The following LRRC61 variants were observed in gnomAD, a reference collection of about 807,000 sequenced individuals.
LRRC61 encodes leucine-rich repeat-containing protein 61.
In LRRC61, 9 loss-of-function variants were observed where a neutral mutation model predicts 15.1. The ratio of observed to expected loss-of-function variants is 0.60; its 90% confidence interval spans 0.36 to 1.04. LRRC61 has a LOEUF of 1.04. Among genes scored for constraint, LRRC61 ranks in the 50% least tolerant of loss-of-function variants. The pLI, the probability that LRRC61 is intolerant of heterozygous loss-of-function variation, is 0.01. For missense variants in LRRC61, 344 were observed against 335.6 expected (o/e 1.03, Z -0.20); for synonymous variants, 173 against 158.6 (o/e 1.09, Z -0.68).
chr7:150,317,726 A>G, the LRRC61 span, among the ~76,000 whole-genome samples: 1 of 152,200 alleles, frequency 6.6e-6, no homozygotes, highest in African/African-American at 2.4e-5. Context: ...ATATCTGATC[A>G]TGCTAAGAAA....
chr7:150,318,565 C>G (rs1051508608), upstream of LRRC61, among the ~76,000 whole-genome samples: 7 of 152,152 alleles, frequency 4.6e-5, no homozygotes, highest in African/African-American at 1.4e-4. Flanking sequence ...AGTTCAAGAC[C>G]AGCCTGGCCA....
At chr7:150,311,947 G>T in the LRRC61 span, among the ~76,000 whole-genome samples, 1 of 152,192 alleles carries the variant, frequency 6.6e-6, no homozygotes, top group African/African-American at 2.4e-5. Context: ...ACTGAAAGAG[G>T]TTTTCTCACC....
upstream of LRRC61, among the ~76,000 whole-genome samples, chr7:150,319,988 C>T (rs1797336128): frequency 2.0e-5 from 3 of 152,230 alleles, no homozygotes; most frequent in South Asian, 6.2e-4. Context: ...TTCCGTTCTT[C>T]CTCTGCCAAT....
In LRRC61 at chr7:150,330,165, G is replaced by A. The variant is rs900753798; in HGVS notation, c.-145+4155G>A. On this transcript the variant is annotated intron_variant, in intron 2 of 2. Coordinates refer to ENST00000359623, the MANE Select transcript of LRRC61 (RefSeq NM_001142928.2). The surrounding 1 kb of genome is among the most constrained non-coding windows in gnomAD (Gnocchi z 4.6). The stretch of plus-strand genomic sequence containing the variant: ...CTGCAGCCATTTCTAAGGCTCTGTG[G>A]AGGCCCAGGGACTCCTCACCCAGCT... 2 of 573,498 alleles carry A rather than the reference G, an allele frequency of 3.5e-6. No homozygotes were observed. The highest frequency in any genetic ancestry group is 6.2e-6 in the Non-Finnish European group (2 of 322,648). The allele number at this position is 573,498 out of a possible 1,614,324, so 35.5% of individuals were successfully genotyped here.
rs1029094149 is a variant in LRRC61, at chr7:150,330,852, C to G, written c.-145+4842C>G. 3 of 1,608,712 alleles carry G rather than the reference C, an allele frequency of 1.9e-6. No homozygotes were observed. The African/African-American group carries it at 4.0e-5, about 22-fold the overall frequency. The stretch of plus-strand genomic sequence containing the variant: ...GGTGGAGGGGAGAAGCCAGGGGGAG[C>G]CTCTGCAGAGCAGCAGCCACTCTGG... On this transcript the variant is annotated intron_variant, in intron 2 of 2. Coordinates refer to ENST00000359623, the MANE Select transcript of LRRC61 (RefSeq NM_001142928.2). This position sits in a 1 kb window ranked among gnomAD's most constrained non-coding sequence, Gnocchi z 4.6.
intron 2 of LRRC61, among the ~76,000 whole-genome samples, chr7:150,334,962 C>T (rs1437776455): frequency 2.0e-5 from 3 of 148,540 alleles, no homozygotes; most frequent in Admixed American, 6.9e-5. Context: ...GCGGAGGTTG[C>T]GGTGAGCCGA....
At chr7:150,326,351 T>C (rs911021501) in intron 2 of LRRC61, among the ~76,000 whole-genome samples, 3 of 152,098 alleles carry the variant, frequency 2.0e-5, no homozygotes, top group Admixed American at 1.3e-4. Flanking sequence ...CAGAACAAGA[T>C]TGGTGTCCTG....
the LRRC61 span, among the ~76,000 whole-genome samples, chr7:150,317,980 G>A: frequency 1.3e-5 from 2 of 152,154 alleles, no homozygotes; most frequent in African/African-American, 2.4e-5. Flanking sequence ...ACTCTTTATA[G>A]GACAGGGCTT....
At chr7:150,336,058 G>A (rs1337516921) in intron 2 of LRRC61, among the ~76,000 whole-genome samples, 1 of 152,206 alleles carries the variant, frequency 6.6e-6, no homozygotes, top group Non-Finnish European at 1.5e-5. Context: ...GAGCAAGGGT[G>A]TGCGACCTAG....
Position 150,336,728 on chromosome 7 carries a change from G to C in LRRC61, c.-134G>C, listed in dbSNP as rs1798304368. 8.2e-7 allele frequency: 1 copy of C among 1,223,288 alleles called. No individual in the cohort carries two copies. Among genetic ancestry groups the C allele is most frequent in the Admixed American group, 2.3e-5 (1 of 43,018 alleles). 75.8% of individuals were successfully genotyped at this position (1,223,288 alleles called of 1,614,324 possible). A position where few individuals can be genotyped will look rare whatever the true frequency, so the allele number is the denominator to read the frequency against. Reference sequence around the variant, plus strand: ...ACTGTCTCTCCTCAGGGACTGGCTGGCTTCGAGCAGGGCATCGGAACCAGG... The same window carrying C: ...ACTGTCTCTCCTCAGGGACTGGCTGCCTTCGAGCAGGGCATCGGAACCAGG... On this transcript the variant is annotated 5_prime_UTR_variant, in exon 3 of 3. Coordinates refer to ENST00000359623, the MANE Select transcript of LRRC61 (RefSeq NM_001142928.2).
Position 150,330,189 on chromosome 7 carries a change from C to G in LRRC61, c.-145+4179C>G. The G allele has an allele frequency of 1.7e-6, 1 of 589,474 alleles. No homozygotes were observed. The allele number at this position is 589,474 out of a possible 1,614,324, so 36.5% of individuals were successfully genotyped here. A position where few individuals can be genotyped will look rare whatever the true frequency, so the allele number is the denominator to read the frequency against. On this transcript the variant is annotated intron_variant, in intron 2 of 2. Coordinates refer to ENST00000359623, the MANE Select transcript of LRRC61 (RefSeq NM_001142928.2). The surrounding 1 kb of genome is among the most constrained non-coding windows in gnomAD (Gnocchi z 4.6). ...GGAGGCCCAGGGACTCCTCACCCAGCTCCAGCGCCAGCGCAGCCTCCTAGC... is the reference window on the plus strand; with the variant it reads ...GGAGGCCCAGGGACTCCTCACCCAGGTCCAGCGCCAGCGCAGCCTCCTAGC...
chr7:150,316,543 T>A, the LRRC61 span, among the ~76,000 whole-genome samples: 1 of 144,490 alleles, frequency 6.9e-6, no homozygotes. Flanking sequence ...GGGAGTGCAG[T>A]GGCGCGATCT....
At position 150,330,201 on chromosome 7, in the gene LRRC61, C is replaced by G. The variant is rs1420108315; in HGVS notation, c.-145+4191C>G. On this transcript the variant is annotated intron_variant, in intron 2 of 2. Transcript: ENST00000359623. The surrounding 1 kb of genome is among the most constrained non-coding windows in gnomAD (Gnocchi z 4.6). ...ACTCCTCACCCAGCTCCAGCGCCAG[C>G]GCAGCCTCCTAGCCCACCAGCCCTT... 1 of 591,810 alleles carries G rather than the reference C, an allele frequency of 1.7e-6. No individual in the cohort carries two copies. The highest frequency in any genetic ancestry group is 3.0e-6 in the Non-Finnish European group (1 of 332,412). 36.7% of individuals were successfully genotyped at this position (591,810 alleles called of 1,614,324 possible). A position where few individuals can be genotyped will look rare whatever the true frequency, so the allele number is the denominator to read the frequency against.
chr7:150,313,589 G>T, the LRRC61 span, among the ~76,000 whole-genome samples: 1 of 152,154 alleles, frequency 6.6e-6, no homozygotes, highest in Non-Finnish European at 1.5e-5. Flanking sequence ...AGAAGGGAGG[G>T]GGGTACAGTG....
In LRRC61 at chr7:150,330,320, C is replaced by T; in HGVS notation, c.-145+4310C>T. On this transcript the variant is annotated intron_variant, in intron 2 of 2. Coordinates refer to ENST00000359623, the MANE Select transcript of LRRC61 (RefSeq NM_001142928.2). The surrounding 1 kb of genome is among the most constrained non-coding windows in gnomAD (Gnocchi z 4.6). ...CCCTTCAAGAGTACAAGGGCAGGCACCAGCTGGGGAAGGCTGGTGTTGCCT... is the reference window on the plus strand; with the variant it reads ...CCCTTCAAGAGTACAAGGGCAGGCATCAGCTGGGGAAGGCTGGTGTTGCCT... 3 of 723,472 alleles carry T rather than the reference C, an allele frequency of 4.1e-6. No individual in the cohort carries two copies. The highest frequency in any genetic ancestry group is 5.0e-6 in the Non-Finnish European group (2 of 396,820). The allele number at this position is 723,472 out of a possible 1,614,324, so 44.8% of individuals were successfully genotyped here.
chr7:150,316,686 A>T, the LRRC61 span, among the ~76,000 whole-genome samples: 1 of 152,050 alleles, frequency 6.6e-6, no homozygotes, highest in East Asian at 1.9e-4. Flanking sequence ...GGGTTTCACC[A>T]TGTTGGCCAG....
At chr7:150,325,243 C>G (rs1346545071) in intron 1 of LRRC61, among the ~76,000 whole-genome samples, 1 of 152,240 alleles carries the variant, frequency 6.6e-6, no homozygotes, top group African/African-American at 2.4e-5. Context: ...CATCACCCCG[C>G]CCTGCCGTCA....
rs1333919779 is a variant in LRRC61, at chr7:150,337,589, A to G, written c.728A>G (p.Gln243Arg). ...LDRQASDSLA[Q>R]AEQVLSSAGP... ...CGCCAGGCCAGCGACAGCCTGGCCC[A>G]GGCGGAGCAGGTACTCAGCTCTGCG... The change falls in exon 3 of 3, where the codon CAG becomes CGG. Residue 243 changes from glutamine (Q) to arginine (R), a missense_variant. Coordinates refer to ENST00000359623, the MANE Select transcript of LRRC61 (RefSeq NM_001142928.2). The G allele has an allele frequency of 5.7e-6, 9 of 1,570,230 alleles. No individual in the cohort carries two copies. Among genetic ancestry groups the G allele is most frequent in the Non-Finnish European group, 7.8e-6 (9 of 1,159,818 alleles).
At chr7:150,327,520 C>G (rs1170032724) in intron 2 of LRRC61, among the ~76,000 whole-genome samples, 1 of 152,134 alleles carries the variant, frequency 6.6e-6, no homozygotes, top group Admixed American at 6.5e-5. Context: ...GCCACTTTGA[C>G]ATAAGTTCTT....
Sources: gnomAD v4.1 joint callset for allele counts (sites outside exome capture counted in the v4.1 genomes callset) on GRCh38, gnomAD v4.1.1 for gene constraint, Gnocchi (gnomAD v3.1) non-coding constraint, MANE v1.5 for transcripts, NCBI Gene and HGNC (gene_info 2026-07-23, HGNC 2026-07-21) for gene names.